Variants in ATL3 observed in about 807,000 individuals in gnomAD.
ATL3 encodes atlastin-3.
Under a neutral mutation model 69.5 loss-of-function variants are expected in ATL3, and 49 were observed. The ratio of observed to expected loss-of-function variants is 0.71; its 90% CI spans 0.56 to 0.89. The LOEUF (loss-of-function observed/expected upper bound fraction) is 0.89. Among genes scored for constraint, ATL3 ranks in the 40% least tolerant of loss-of-function variants. The pLI, the probability that ATL3 is intolerant of heterozygous loss-of-function variation, is 0.00. For synonymous variants in ATL3, 214 were observed against 224.1 expected, an observed-to-expected ratio of 0.95 and a Z score of 0.40; for missense variants, 606 against 645.7, an observed-to-expected ratio of 0.94 and a Z score of 0.67.
intron 11 of ATL3, 131 bp downstream of exon 11, chr11:63,632,895 A>G: frequency 1.2e-6 from 1 of 854,642 alleles, no homozygotes; most frequent in South Asian, 1.6e-5. Flanking sequence ...CCCCGTTACC[A>G]GGACAACCTG....
chr11:63,634,213 G>GA (rs561149157), intron 10 of ATL3, among the ~76,000 whole-genome samples: 71 of 135,184 alleles, frequency 5.3e-4, no homozygotes, highest in Middle Eastern at 4.0e-3. Context: ...AGAAGAAGAA[G>GA]AAAAAAAAGG....
intron 3 of ATL3, among the ~76,000 whole-genome samples, chr11:63,655,185 CCTCATTA>C (rs1940202113): frequency 6.6e-6 from 1 of 152,116 alleles, no homozygotes; most frequent in Non-Finnish European, 1.5e-5. Context: ...TGTTGTTATT[CCTCATTA>C]CTGAGGCAAG....
At position 63,631,471 on chromosome 11, in the gene ATL3, C is replaced by A. The variant is rs199522335; in HGVS notation, c.1108G>T (p.Val370Phe). Residue 370 changes from valine (V) to phenylalanine (F), a missense_variant and splice_region_variant, in exon 12 of 13, where the codon GTT becomes TTT. Physicochemically the swap from Val to Phe is conservative, Grantham distance 50 (BLOSUM62 -1). Transcript: ENST00000398868. Reference protein sequence around the residue: ...KDIYYNNMEEVCGGEKPYLSP... With the variant: ...KDIYYNNMEEFCGGEKPYLSP... Reference sequence around the variant, plus strand: ...AAATAAGGTTTCTCTCCCCCACAAACCTAAAAAGAACAAAGAAACAATATG... The same window carrying A: ...AAATAAGGTTTCTCTCCCCCACAAAACTAAAAAGAACAAAGAAACAATATG... The A allele has an allele frequency of 2.8e-5, 44 of 1,586,802 alleles. No homozygotes were observed. The African/African-American group carries it at 4.1e-4, about 15-fold the overall frequency.
At position 63,643,497 on chromosome 11, in the gene ATL3, T is replaced by TG. The variant is rs1458771518; in HGVS notation, c.712-3dup. 1 of 1,604,002 alleles carries TG rather than the reference T, an allele frequency of 6.2e-7. No homozygotes were observed. Among genetic ancestry groups the TG allele is most frequent in the Admixed American group, 1.7e-5 (1 of 58,464 alleles). On this transcript the variant is annotated splice_region_variant and splice_polypyrimidine_tract_variant and intron_variant, in intron 7 of 12. Transcript: ENST00000398868. ...TTCTTCATGTTGATGTTCCTTCACC[T>TG]GCCAATGAAGACCAAGAATTTACCA... is the stretch of plus-strand genomic sequence containing the variant.
At chr11:63,671,794 G>C (rs888140672), upstream of ATL3, 7 of 1,134,414 alleles carry the variant, frequency 6.2e-6, no homozygotes, top group Non-Finnish European at 7.7e-6. Flanking sequence ...TGTGCGGGAA[G>C]GGGCGGGCTG....
chr11:63,671,074 A>G (rs912180368), intron 1 of ATL3, among the ~76,000 whole-genome samples: 1 of 152,142 alleles, frequency 6.6e-6, no homozygotes, highest in African/African-American at 2.4e-5. Context: ...CCCCGGCCGA[A>G]AAGTAAGGAA....
intron 3 of ATL3, among the ~76,000 whole-genome samples, chr11:63,658,022 A>G (rs988930620): frequency 6.6e-6 from 1 of 152,016 alleles, no homozygotes; most frequent in African/African-American, 2.4e-5. Flanking sequence ...ACACCCAGCT[A>G]ATTTTTTGTA....
Position 63,633,024 on chromosome 11 carries a change from A to G in ATL3, c.1107+2T>C. 1 of 1,613,670 alleles carries G rather than the reference A, an allele frequency of 6.2e-7. No homozygotes were observed. The highest frequency in any genetic ancestry group is 8.5e-7 in the Non-Finnish European group (1 of 1,179,600). On this transcript the variant is annotated splice_donor_variant, in intron 11 of 12. Coordinates refer to ENST00000398868, the MANE Select transcript of ATL3 (RefSeq NM_015459.5). LOFTEE classifies it high-confidence loss of function. ...TCAGAATAAGGCGTATGTCCCACGTACCTCTTCCATGTTGTTATAATAAAT... is the reference window on the plus strand; with the variant it reads ...TCAGAATAAGGCGTATGTCCCACGTGCCTCTTCCATGTTGTTATAATAAAT...
At chr11:63,635,463 C>T (rs753036383) in intron 10 of ATL3, 71 bp downstream of exon 10, 29 of 1,283,892 alleles carry the variant, frequency 2.3e-5, no homozygotes, top group Non-Finnish European at 3.2e-5. Context: ...TCCTAAAGAA[C>T]TCTGCTTATT....
At chr11:63,668,790 CTTTTTTTTTT>C (rs386373974) in intron 1 of ATL3, among the ~76,000 whole-genome samples, 4 of 81,492 alleles carry the variant, frequency 4.9e-5, no homozygotes, top group Admixed American at 1.7e-4. Flanking sequence ...AGCTGTGTTC[CTTTTTTTTTT>C]TTTTTTTTTT....
rs753374637 is a variant in ATL3 at position 63,631,265 on chromosome 11, G to C, written c.1314C>G (p.Phe438Leu). Residue 438 changes from phenylalanine to leucine, a missense_variant, in exon 12 of 13, where the codon TTC becomes TTG. Coordinates refer to ENST00000398868, the MANE Select transcript of ATL3 (RefSeq NM_015459.5). ...GCACTGCAGGGGTTCGGAAGGTGCT[G>C]AAGACGTTCTTGCTACCATTGTGCT... ...FCKHNGSKNV[F>L]STFRTPAVLF... 6.2e-7 allele frequency: 1 copy of C among 1,614,248 alleles called. No individual in the cohort carries two copies. Among genetic ancestry groups the C allele is most frequent in the Admixed American group, 1.7e-5 (1 of 60,026 alleles).
chr11:63,667,319 G>A (rs1403740839), intron 1 of ATL3, among the ~76,000 whole-genome samples: 1 of 151,874 alleles, frequency 6.6e-6, no homozygotes, highest in East Asian at 1.9e-4. Context: ...GAAAATCTTT[G>A]TATAATTAGA....
chr11:63,627,798 T>G lies in ATL3; in HGVS notation c.*1521A>C, dbSNP rs1265163547. ...CTCTTAGATACTTCTAGATATTTTT[T>G]ATATTTGGGTAGGACTTTGATCCTT... On this transcript the variant is annotated 3_prime_UTR_variant, in exon 13 of 13. Coordinates refer to ENST00000398868, the MANE Select transcript of ATL3 (RefSeq NM_015459.5). 3.3e-5 allele frequency: 5 copies of G among 152,218 alleles called. No individual in the cohort carries two copies. The highest frequency in any genetic ancestry group is 7.2e-5 in the African/African-American group (3 of 41,466). The allele number at this position is 152,218 out of a possible 1,614,324, so 9.4% of individuals were successfully genotyped here.
At chr11:63,633,312 T>C (rs143332272) in intron 10 of ATL3, among the ~76,000 whole-genome samples, 2 of 152,336 alleles carry the variant, frequency 1.3e-5, no homozygotes, top group East Asian at 3.9e-4. Flanking sequence ...CATAGAAATA[T>C]GTATTCTTAT....
rs1352016679 is a variant in ATL3, at chr11:63,628,283, C to T, written c.*1036G>A. 1 of 149,466 alleles carries T rather than the reference C, an allele frequency of 6.7e-6. No individual in the cohort carries two copies. The highest frequency in any genetic ancestry group is 1.5e-5 in the Non-Finnish European group (1 of 67,744). 9.3% of individuals were successfully genotyped at this position (149,466 alleles called of 1,614,324 possible). A position where few individuals can be genotyped will look rare whatever the true frequency, so the allele number is the denominator to read the frequency against. Reference sequence around the variant, plus strand: ...TGAGCCACTCTGGCTTTTCAAGGCACGTTTGCCTCTTTTTCTAGAAAGAAG... The same window carrying T: ...TGAGCCACTCTGGCTTTTCAAGGCATGTTTGCCTCTTTTTCTAGAAAGAAG... On this transcript the variant is annotated 3_prime_UTR_variant, in exon 13 of 13. Coordinates refer to ENST00000398868, the MANE Select transcript of ATL3 (RefSeq NM_015459.5).
intron 5 of ATL3, among the ~76,000 whole-genome samples, chr11:63,647,626 G>A (rs1939927964): frequency 6.6e-6 from 1 of 152,180 alleles, no homozygotes; most frequent in Non-Finnish European, 1.5e-5. Context: ...TGCACTACTG[G>A]ATTTCCAGCA....
chr11:63,640,209 G>C (rs1939650398), intron 8 of ATL3, among the ~76,000 whole-genome samples: 1 of 152,212 alleles, frequency 6.6e-6, no homozygotes, highest in African/African-American at 2.4e-5. Flanking sequence ...ACAAGCGTGA[G>C]CTACCGCACC....
chr11:63,670,584 T>A (rs935872003), intron 1 of ATL3: 1 of 152,260 alleles, frequency 6.6e-6, no homozygotes, highest in African/African-American at 2.4e-5. Flanking sequence ...TATTTGGTTT[T>A]TAATACTTTC....
intron 5 of ATL3, among the ~76,000 whole-genome samples, chr11:63,649,965 A>T (rs1940019740): frequency 6.6e-6 from 1 of 152,166 alleles, no homozygotes. Flanking sequence ...TTTTTTCCTG[A>T]AACAATGCCA....
Sources: gnomAD v4.1 joint callset for allele counts (sites outside exome capture counted in the v4.1 genomes callset) on GRCh38, gnomAD v4.1.1 for gene constraint, MANE v1.5 for transcripts, NCBI Gene and HGNC (gene_info 2026-07-23, HGNC 2026-07-21) for gene names.